DCDC1: variants seen among roughly 807,000 people sequenced by gnomAD.
The protein encoded by DCDC1 is doublecortin domain containing 1.
A neutral mutation model predicts 178.3 loss-of-function variants in DCDC1; 200 were observed. That is an observed-to-expected ratio of 1.12 (90% CI 1.00 to 1.26). The LOEUF (loss-of-function observed/expected upper bound fraction) is 1.26. DCDC1 is among the 50% of genes most tolerant of loss of function. DCDC1 has a pLI of 0.00. For missense variants in DCDC1, 1,983 were observed against 1,749.2 expected, an observed-to-expected ratio of 1.13 and a Z score of -2.38; for synonymous variants, 690 against 604.8, an observed-to-expected ratio of 1.14 and a Z score of -2.07.
chr11:30,985,852 T>C (rs1301575483), intron 20 of DCDC1, among the ~76,000 whole-genome samples: 1 of 152,136 alleles, frequency 6.6e-6, no homozygotes, highest in African/African-American at 2.4e-5. Context: ...CAAAACTAAA[T>C]TATGACAAAT....
chr11:31,283,838 A>G (rs1946625010), intron 7 of DCDC1, among the ~76,000 whole-genome samples: 1 of 152,146 alleles, frequency 6.6e-6, no homozygotes, highest in Non-Finnish European at 1.5e-5. Context: ...GAACTATTCT[A>G]CAAATAGCTC....
At chr11:30,890,435 A>G (rs1320763573) in intron 36 of DCDC1, among the ~76,000 whole-genome samples, 1 of 152,204 alleles carries the variant, frequency 6.6e-6, no homozygotes, top group Non-Finnish European at 1.5e-5. Flanking sequence ...CTCAAGTTCC[A>G]TCAGAGTTCC....
chr11:30,969,129 G>A (rs908639011), intron 20 of DCDC1, among the ~76,000 whole-genome samples: 3 of 152,056 alleles, frequency 2.0e-5, no homozygotes, highest in Admixed American at 6.6e-5. Flanking sequence ...GTAGAATAAT[G>A]GTCCCTCTAA....
At chr11:31,140,576 T>A (rs1360455495) in intron 9 of DCDC1, among the ~76,000 whole-genome samples, 2 of 152,184 alleles carry the variant, frequency 1.3e-5, no homozygotes, top group Non-Finnish European at 2.9e-5. Flanking sequence ...CATTCAATAC[T>A]AATGGCAACC....
At chr11:31,250,421 C>CATAT in intron 8 of DCDC1, among the ~76,000 whole-genome samples, 1,669 of 52,858 alleles carry the variant, frequency 0.032, 337 homozygotes, top group African/African-American at 0.08. Context: ...CACACATATA[C>CATAT]ATATATATGT....
At chr11:31,064,338 A>G in intron 20 of DCDC1, 131 bp downstream of exon 20, 1 of 592,696 alleles carries the variant, frequency 1.7e-6, no homozygotes, top group Non-Finnish European at 3.0e-6. Flanking sequence ...GTGACCCAAA[A>G]ACTACTACGC....
chr11:31,247,828 A>G (rs1051752843), intron 8 of DCDC1, among the ~76,000 whole-genome samples: 3 of 152,080 alleles, frequency 2.0e-5, no homozygotes, highest in Non-Finnish European at 4.4e-5. Flanking sequence ...CAACAAAAAT[A>G]ATAGTGTGTG....
At chr11:31,301,568 G>T (rs918241761) in intron 6 of DCDC1, among the ~76,000 whole-genome samples, 1 of 152,152 alleles carries the variant, frequency 6.6e-6, no homozygotes, top group Non-Finnish European at 1.5e-5. Context: ...AGAATATAAT[G>T]CATGAATCCA....
Position 30,911,387 on chromosome 11 carries a change from C to T in DCDC1, c.3687G>A (p.Val1229=). 6.2e-7 allele frequency: 1 copy of T among 1,604,510 alleles called. No individual in the cohort carries two copies. The highest frequency in any genetic ancestry group is 1.7e-4 in the Middle Eastern group (1 of 6,050). Residue 1229 remains valine (V), a synonymous_variant, in exon 28 of 39, where the codon GTG becomes GTA. Coordinates refer to ENST00000684477, the MANE Select transcript of DCDC1 (RefSeq NM_001387274.1). ...TFHLVSNPDL[V]LAVSMTKTRN... is the part of the protein sequence containing the mutation. ...TAGTCTTGGTCATAGACACTGCCAG[C>T]ACAAGGTCAGGGTTACTCACAAGGT... is the stretch of plus-strand genomic sequence containing the variant.
At chr11:31,301,472 A>G (rs1948111225) in intron 6 of DCDC1, among the ~76,000 whole-genome samples, 1 of 152,228 alleles carries the variant, frequency 6.6e-6, no homozygotes, top group Non-Finnish European at 1.5e-5. Context: ...GTATGATGTG[A>G]TGTGAGTAGT....
chr11:30,900,844 G>A (rs1234866690), intron 32 of DCDC1, among the ~76,000 whole-genome samples: 1 of 151,998 alleles, frequency 6.6e-6, no homozygotes, highest in African/African-American at 2.4e-5. Flanking sequence ...ACTAAATCCA[G>A]GGATAAAGTA....
At chr11:31,290,549 T>C (rs1282555847) in intron 7 of DCDC1, 98 bp downstream of exon 7, 2 of 1,258,398 alleles carry the variant, frequency 1.6e-6, no homozygotes, top group Non-Finnish European at 2.2e-6. Context: ...AATATTTCTA[T>C]TTGTTGGCAT....
chr11:31,168,350 C>T (rs1966858536), intron 9 of DCDC1, among the ~76,000 whole-genome samples: 2 of 152,134 alleles, frequency 1.3e-5, no homozygotes. Context: ...TATGATTTGT[C>T]TGTACTGACC....
intron 9 of DCDC1, among the ~76,000 whole-genome samples, chr11:31,228,975 T>G (rs900896401): frequency 1.3e-5 from 2 of 152,056 alleles, no homozygotes; most frequent in African/African-American, 4.8e-5. Context: ...ATGGGATCAT[T>G]TGTACCCCAA....
At chr11:31,171,504 A>G (rs1306876484) in intron 9 of DCDC1, among the ~76,000 whole-genome samples, 5 of 152,198 alleles carry the variant, frequency 3.3e-5, no homozygotes, top group Non-Finnish European at 5.9e-5. Context: ...TGGATACACC[A>G]TATCTCTTCA....
chr11:31,333,695 T>C (rs544311981), intron 2 of DCDC1, among the ~76,000 whole-genome samples: 1 of 152,316 alleles, frequency 6.6e-6, no homozygotes, highest in South Asian at 2.1e-4. Flanking sequence ...TTAAGAATGA[T>C]GAATATTGGA....
chr11:30,879,803 G>A (rs556050729), intron 37 of DCDC1, among the ~76,000 whole-genome samples: 7 of 152,110 alleles, frequency 4.6e-5, no homozygotes, highest in Admixed American at 6.6e-5. Flanking sequence ...TCTCTTTGTC[G>A]TTGGATACCC....
chr11:31,305,701 G>A lies in DCDC1; in HGVS notation c.668C>T (p.Ala223Val), dbSNP rs1403882506. Residue 223 changes from alanine to valine, a missense_variant, in exon 6 of 39, where the codon GCC becomes GTC. By Grantham distance (64) the Ala-to-Val change is moderately conservative (BLOSUM62 0). Transcript: ENST00000684477. Reference sequence around the variant, plus strand: ...ATGGGGTATATCTTCAGGTTCGAGGGCTTCCTTGCCGTCTGCCAAGAACAC... The same window carrying A: ...ATGGGGTATATCTTCAGGTTCGAGGACTTCCTTGCCGTCTGCCAAGAACAC... ...RRVFLADGKE[A>V]LEPEDIPHEA... The A allele has an allele frequency of 1.2e-6, 2 of 1,613,830 alleles. No individual in the cohort carries two copies. Among genetic ancestry groups the A allele is most frequent in the Non-Finnish European group, 1.7e-6 (2 of 1,179,876 alleles).
intron 20 of DCDC1, among the ~76,000 whole-genome samples, chr11:31,023,337 C>T (rs995324626): frequency 1.3e-5 from 2 of 151,954 alleles, no homozygotes; most frequent in East Asian, 1.9e-4. Context: ...GTTTTTCAGG[C>T]ATTTAAACCA....
Sources: allele counts gnomAD v4.1 joint callset (sites outside exome capture counted in the v4.1 genomes callset), GRCh38; gene constraint gnomAD v4.1.1; transcripts MANE v1.5; gene names NCBI Gene and HGNC (gene_info 2026-07-23, HGNC 2026-07-21).